The following CHIC1 variants were observed in gnomAD, a reference collection of about 807,000 sequenced individuals.
The protein encoded by CHIC1 is cysteine-rich hydrophobic domain-containing protein 1.
In CHIC1, 7 loss-of-function variants were observed where a neutral mutation model predicts 18.5. The observed-to-expected ratio is 0.38, with a 90% CI of 0.22 to 0.71. The LOEUF is 0.71. Ranked by LOEUF, CHIC1 falls within the 30% of genes least tolerant of loss-of-function variation. The probability of loss-of-function intolerance (pLI) is 0.49; values close to 1 mark genes in which losing one functional copy is unlikely to be tolerated. For synonymous variants in CHIC1, 77 were observed against 73.5 expected (o/e 1.05, Z -0.25); for missense variants, 159 against 176.9 (o/e 0.90, Z 0.57).
Position 73,563,267 on chromosome X carries a change from C to G in CHIC1, c.-18C>G. The stretch of plus-strand genomic sequence containing the variant: ...AAACTCTTCTCCGGGAGCGTGGCGG[C>G]GATCGCGAGGTCACGTGATGAGCAT... On this transcript the variant is annotated 5_prime_UTR_variant, in exon 1 of 6. Transcript: ENST00000373502. 9.1e-7 allele frequency: 1 copy of G among 1,093,487 alleles called. No homozygotes were observed. The highest frequency in any genetic ancestry group is 1.2e-6 in the Non-Finnish European group (1 of 835,402). The allele number at this position is 1,093,487 out of a possible 1,213,427, so 90.1% of individuals were successfully genotyped here.
At chrX:73,582,339 CT>C (rs1341445361) in intron 2 of CHIC1, among the ~76,000 whole-genome samples, 5 of 110,116 alleles carry the variant, frequency 4.5e-5, no homozygotes, top group African/African-American at 1.6e-4. Flanking sequence ...CATATTTTTT[CT>C]TTATTTTAAC....
At chrX:73,629,926 A>G (rs1217527383) in intron 3 of CHIC1, among the ~76,000 whole-genome samples, 1 of 112,071 alleles carries the variant, frequency 8.9e-6, no homozygotes, top group African/African-American at 3.2e-5. Context: ...CAGTCCATGA[A>G]TGAGATATCT....
chrX:73,576,351 A>G (rs1569500125), intron 1 of CHIC1, among the ~76,000 whole-genome samples: 1 of 110,837 alleles, frequency 9.0e-6, no homozygotes. Flanking sequence ...AAGTTTGTTT[A>G]TACCAGCATC....
In CHIC1 at chrX:73,638,852, C is replaced by G. The variant is rs1331944621; in HGVS notation, c.508-40474C>G. Among the ~76,000 whole-genome samples the G allele has an allele frequency of 3.6e-5, 4 of 111,770 alleles. No individual in the cohort carries two copies. In the East Asian group the frequency reaches 1.1e-3, roughly 32 times the overall value. On this transcript the variant is annotated intron_variant, in intron 3 of 5. Transcript: ENST00000373502. The stretch of plus-strand genomic sequence containing the variant: ...GCTTCATCCATGTTGCTGCAAAGGA[C>G]ATGATCTTATTTTTTATGGCTGCAT...
intron 3 of CHIC1, among the ~76,000 whole-genome samples, chrX:73,625,321 T>G (rs1174316891): frequency 9.0e-6 from 1 of 111,426 alleles, no homozygotes; most frequent in Non-Finnish European, 1.9e-5. Flanking sequence ...TGGATTAAAA[T>G]AGTTTCAACA....
chrX:73,644,987 C>G (rs1357248650), intron 3 of CHIC1, among the ~76,000 whole-genome samples: 1 of 112,403 alleles, frequency 8.9e-6, no homozygotes, highest in East Asian at 2.8e-4. Context: ...GTCCTGCACC[C>G]ACTGTCTGGC....
chrX:73,642,559 A>G (rs1326232602), intron 3 of CHIC1, among the ~76,000 whole-genome samples: 1 of 104,042 alleles, frequency 9.6e-6, no homozygotes, highest in Admixed American at 1.1e-4. Context: ...TTTTGTTGCC[A>G]TTGCTTTTGG....
intron 3 of CHIC1, among the ~76,000 whole-genome samples, chrX:73,630,332 G>T (rs2057801359): frequency 9.0e-6 from 1 of 111,379 alleles, no homozygotes; most frequent in Non-Finnish European, 1.9e-5. Flanking sequence ...AGGCATCCTT[G>T]TCTTATTCCT....
chrX:73,687,041 T>G lies in CHIC1; in HGVS notation c.*6036T>G, dbSNP rs931823974. Reference sequence around the variant, plus strand: ...ACTGCTGCTTCTGTCATTGTTCACTTGTCAGATAAAATTTTATTATCTCAG... The same window carrying G: ...ACTGCTGCTTCTGTCATTGTTCACTGGTCAGATAAAATTTTATTATCTCAG... On this transcript the variant is annotated 3_prime_UTR_variant, in exon 6 of 6. Transcript: ENST00000373502. 1.8e-5 allele frequency: 2 copies of G among 111,791 alleles called. No individual in the cohort carries two copies. Among genetic ancestry groups the G allele is most frequent in the Non-Finnish European group, 3.8e-5 (2 of 53,009 alleles). 9.2% of individuals were successfully genotyped at this position (111,791 alleles called of 1,213,427 possible).
chrX:73,583,381 G>T (rs1213993868), intron 2 of CHIC1, among the ~76,000 whole-genome samples: 1 of 110,832 alleles, frequency 9.0e-6, no homozygotes, highest in African/African-American at 3.3e-5. Flanking sequence ...TTGATTCCTC[G>T]AGTACAATTT....
chrX:73,648,562 G>C (rs2057900486), intron 3 of CHIC1, among the ~76,000 whole-genome samples: 1 of 111,792 alleles, frequency 8.9e-6, no homozygotes, highest in Non-Finnish European at 1.9e-5. Flanking sequence ...CAAGAACTTG[G>C]TGAAGCATAC....
chrX:73,617,955 C>G (rs1382792581), intron 3 of CHIC1, among the ~76,000 whole-genome samples: 1 of 112,024 alleles, frequency 8.9e-6, no homozygotes, highest in Non-Finnish European at 1.9e-5. Flanking sequence ...TGTTCAGATT[C>G]TTTTGTCCCA....
chrX:73,577,520 A>G (rs2057505773), intron 2 of CHIC1, 59 bp downstream of exon 2: 1 of 868,285 alleles, frequency 1.2e-6, no homozygotes, highest in Non-Finnish European at 1.7e-6. Flanking sequence ...TGGCTTACTC[A>G]TTGTTATGAC....
intron 2 of CHIC1, among the ~76,000 whole-genome samples, chrX:73,578,422 G>C (rs2057510728): frequency 9.1e-6 from 1 of 110,381 alleles, no homozygotes; most frequent in African/African-American, 3.3e-5. Context: ...TGAATGCTTG[G>C]ATAGCTAAAA....
intron 3 of CHIC1, among the ~76,000 whole-genome samples, chrX:73,676,176 G>A (rs1342877727): frequency 2.1e-4 from 23 of 111,357 alleles, no homozygotes; most frequent in African/African-American, 2.6e-4. Flanking sequence ...TTTTTCCTTC[G>A]TTTCAACTTT....
At chrX:73,608,526 A>G (rs1228556928) in intron 3 of CHIC1, among the ~76,000 whole-genome samples, 2 of 108,559 alleles carry the variant, frequency 1.8e-5, no homozygotes, top group South Asian at 3.8e-4. Context: ...CTTCCAATCC[A>G]TAAGAGCAGA....
At chrX:73,620,527 C>T (rs1218801770) in intron 3 of CHIC1, among the ~76,000 whole-genome samples, 1 of 111,851 alleles carries the variant, frequency 8.9e-6, no homozygotes, top group East Asian at 2.8e-4. Context: ...TATTCATATC[C>T]TTTGCCCACT....
chrX:73,641,780 G>C (rs1015662071), intron 3 of CHIC1, among the ~76,000 whole-genome samples: 9 of 108,707 alleles, frequency 8.3e-5, no homozygotes, highest in Non-Finnish European at 1.3e-4. Context: ...TTGGTTTTTT[G>C]TTCTTGCGAT....
intron 3 of CHIC1, among the ~76,000 whole-genome samples, chrX:73,628,861 G>A (rs66768866): frequency 0.048 from 5,300 of 110,842 alleles, 327 homozygotes; most frequent in African/African-American, 0.16. Flanking sequence ...CTTCTATTGT[G>A]CCATTTTTCT....
Sources: allele counts gnomAD v4.1 joint callset (sites outside exome capture counted in the v4.1 genomes callset), GRCh38; gene constraint gnomAD v4.1.1; transcripts MANE v1.5; gene names NCBI Gene and HGNC (gene_info 2026-07-23, HGNC 2026-07-21).